The following NKAIN2 variants were observed in gnomAD, a reference collection of about 807,000 sequenced individuals.
The protein encoded by NKAIN2 is sodium/potassium-transporting ATPase subunit beta-1-interacting protein 2.
Under a neutral mutation model 32.6 loss-of-function variants are expected in NKAIN2, and 14 were observed. The observed-to-expected ratio is 0.43, with a 90% CI of 0.28 to 0.67. The LOEUF is 0.67. NKAIN2 is among the 30% of genes least tolerant of loss of function. The probability of loss-of-function intolerance (pLI) is 0.17; values close to 1 mark genes in which losing one functional copy is unlikely to be tolerated. For missense variants in NKAIN2, 198 were observed against 258.3 expected (o/e 0.77, Z 1.60); for synonymous variants, 80 against 87.2 (o/e 0.92, Z 0.46).
chr6:124,734,503 C>G (rs1776845696), intron 4 of NKAIN2, among the ~76,000 whole-genome samples: 1 of 151,668 alleles, frequency 6.6e-6, no homozygotes. Flanking sequence ...AAATTTGATC[C>G]CAGATTACCT....
chr6:124,058,540 T>C (rs1271619752), intron 1 of NKAIN2, among the ~76,000 whole-genome samples: 1 of 152,064 alleles, frequency 6.6e-6, no homozygotes, highest in African/African-American at 2.4e-5. Context: ...AGGCACCTCA[T>C]AGGCTTGTTG....
At chr6:124,028,725 ACG>A (rs1170593261) in intron 1 of NKAIN2, among the ~76,000 whole-genome samples, 14 of 149,216 alleles carry the variant, frequency 9.4e-5, no homozygotes, top group Non-Finnish European at 7.4e-5. Flanking sequence ...ACGTGTATAT[ACG>A]TGTATACACG....
At position 123,850,582 on chromosome 6, in the gene NKAIN2, T is replaced by G. The variant is rs75010971; in HGVS notation, c.54+46328T>G. ...TTCTTTACCAGAGTTCACTTCTAAC[T>G]TTGTTTCACTTTGTAATTTTATTTT... On this transcript the variant is annotated intron_variant, in intron 1 of 6. Transcript: ENST00000368417. Among the ~76,000 whole-genome samples the G allele has an allele frequency of 1.6e-3, 248 of 152,244 alleles. 2 individuals carry two copies. Among genetic ancestry groups the G allele is most frequent in the Non-Finnish European group, 1.9e-3 (126 of 68,016 alleles).
At chr6:124,551,893 A>T (rs1780300575) in intron 3 of NKAIN2, among the ~76,000 whole-genome samples, 1 of 152,222 alleles carries the variant, frequency 6.6e-6, no homozygotes. Flanking sequence ...TTGATGTGTC[A>T]GCTAAATGAC....
chr6:124,018,859 A>G (rs1780723788), intron 1 of NKAIN2, among the ~76,000 whole-genome samples: 1 of 152,180 alleles, frequency 6.6e-6, no homozygotes, highest in Non-Finnish European at 1.5e-5. Context: ...TTTTTACAGC[A>G]GTACCCCTTT....
chr6:124,585,767 T>C (rs1165833373), intron 3 of NKAIN2, among the ~76,000 whole-genome samples: 1 of 152,224 alleles, frequency 6.6e-6, no homozygotes, highest in African/African-American at 2.4e-5. Flanking sequence ...TTCTTTTAAA[T>C]GTATTACTAA....
chr6:124,176,323 A>T (rs1003592803), intron 1 of NKAIN2, among the ~76,000 whole-genome samples: 3 of 152,196 alleles, frequency 2.0e-5, no homozygotes, highest in African/African-American at 7.2e-5. Context: ...GATTTAAAAA[A>T]GTATGCCCAT....
Position 124,806,139 on chromosome 6 carries a change from C to G in NKAIN2, c.536-12248C>G, listed in dbSNP as rs544999184. Reference sequence around the variant, plus strand: ...GTTCAGATTCAGGAAATACAGAGAACACCACAAAGATACTCCTCGAGAAGA... The same window carrying G: ...GTTCAGATTCAGGAAATACAGAGAAGACCACAAAGATACTCCTCGAGAAGA... On this transcript the variant is annotated intron_variant, in intron 5 of 6. Coordinates refer to ENST00000368417, the MANE Select transcript of NKAIN2 (RefSeq NM_001040214.3). Among the ~76,000 whole-genome samples, 8 of 152,108 alleles carry G rather than the reference C, an allele frequency of 5.3e-5. No homozygotes were observed. In the South Asian group the frequency reaches 6.2e-4, roughly 12 times the overall value.
chr6:124,496,689 G>A (rs1403694572), intron 3 of NKAIN2, among the ~76,000 whole-genome samples: 1 of 152,122 alleles, frequency 6.6e-6, no homozygotes, highest in Non-Finnish European at 1.5e-5. Flanking sequence ...ACATCACGGA[G>A]TTCAGAAACA....
At chr6:124,336,119 G>A (rs961163851) in intron 2 of NKAIN2, among the ~76,000 whole-genome samples, 1 of 152,140 alleles carries the variant, frequency 6.6e-6, no homozygotes, top group African/African-American at 2.4e-5. Flanking sequence ...AAACAGAAAA[G>A]CAAAATGAAA....
At chr6:124,476,063 A>AGTGTGT (rs772864587) in intron 3 of NKAIN2, among the ~76,000 whole-genome samples, 35 of 115,118 alleles carry the variant, frequency 3.0e-4, no homozygotes, top group African/African-American at 1.2e-3. Context: ...AGAGAGAGAG[A>AGTGTGT]GAGTGTGTGT....
chr6:123,926,114 C>T (rs1775992654), intron 1 of NKAIN2, among the ~76,000 whole-genome samples: 1 of 152,158 alleles, frequency 6.6e-6, no homozygotes, highest in Non-Finnish European at 1.5e-5. Context: ...CTACTCATCT[C>T]TCAGAAGCCA....
chr6:124,750,782 A>T (rs1687661908), intron 4 of NKAIN2, among the ~76,000 whole-genome samples: 1 of 151,942 alleles, frequency 6.6e-6, no homozygotes, highest in Admixed American at 6.6e-5. Context: ...CAAGCAAAAC[A>T]TTTGCATTCT....
At chr6:124,118,480 A>G (rs2114984140) in intron 1 of NKAIN2, among the ~76,000 whole-genome samples, 1 of 152,226 alleles carries the variant, frequency 6.6e-6, no homozygotes, top group South Asian at 2.1e-4. Flanking sequence ...TAATACTAAT[A>G]CCTCGGGAGA....
chr6:124,793,681 A>T (rs866448816), intron 5 of NKAIN2, among the ~76,000 whole-genome samples: 14 of 151,080 alleles, frequency 9.3e-5, no homozygotes, highest in Middle Eastern at 6.8e-3. Flanking sequence ...ATACTGCTCA[A>T]AAAAAAAAAA....
intron 1 of NKAIN2, among the ~76,000 whole-genome samples, chr6:124,246,675 C>T (rs1167260479): frequency 1.3e-5 from 2 of 151,976 alleles, no homozygotes; most frequent in African/African-American, 4.8e-5. Context: ...AACACCACAA[C>T]CTATTGGGAG....
chr6:124,192,899 G>A (rs1342403126), intron 1 of NKAIN2, among the ~76,000 whole-genome samples: 1 of 151,814 alleles, frequency 6.6e-6, no homozygotes, highest in Non-Finnish European at 1.5e-5. Context: ...ACAGGCGCCC[G>A]CCACCGCGCG....
At chr6:124,632,490 G>A (rs1562295394) in intron 3 of NKAIN2, among the ~76,000 whole-genome samples, 1 of 152,002 alleles carries the variant, frequency 6.6e-6, no homozygotes, top group African/African-American at 2.4e-5. Context: ...CCCAATATTT[G>A]TGCCTTAAAC....
intron 1 of NKAIN2, among the ~76,000 whole-genome samples, chr6:124,208,672 A>G (rs781423683): frequency 2.0e-5 from 3 of 151,502 alleles, no homozygotes; most frequent in Non-Finnish European, 4.4e-5. Context: ...AACTGTAATC[A>G]AAATATATCT....
Sources: gnomAD v4.1 joint callset for allele counts (sites outside exome capture counted in the v4.1 genomes callset) on GRCh38, gnomAD v4.1.1 for gene constraint, MANE v1.5 for transcripts, NCBI Gene and HGNC (gene_info 2026-07-23, HGNC 2026-07-21) for gene names.